CCDC201: variants seen among roughly 807,000 people sequenced by gnomAD.
CCDC201 encodes the protein coiled-coil domain containing 201, also known as coiled-coil domain-containing protein 201.
intron 1 of CCDC201, among the ~76,000 whole-genome samples, chr7:45,869,134 T>C (rs1377967966): frequency 6.6e-6 from 1 of 152,188 alleles, no homozygotes; most frequent in Non-Finnish European, 1.5e-5. Flanking sequence ...AATGAGATAG[T>C]ATAGAAAGAG....
chr7:45,882,327 TGAC>T, the CCDC201 span, among the ~76,000 whole-genome samples: 1 of 152,202 alleles, frequency 6.6e-6, no homozygotes, highest in Non-Finnish European at 1.5e-5. Flanking sequence ...CTGCTCAGGA[TGAC>T]AATAGCTCCT....
the CCDC201 span, among the ~76,000 whole-genome samples, chr7:45,879,067 G>A: frequency 1.4e-4 from 22 of 152,292 alleles, no homozygotes; most frequent in African/African-American, 5.3e-4. Context: ...CAGATCCCTC[G>A]AGCAGGGGCA....
At chr7:45,882,981 A>G in the CCDC201 span, among the ~76,000 whole-genome samples, 1 of 152,184 alleles carries the variant, frequency 6.6e-6, no homozygotes, top group African/African-American at 2.4e-5. Context: ...CAGGAAGGGT[A>G]AAGGCTTTGA....
At chr7:45,864,977 C>G (rs1037426274) in intron 2 of CCDC201, among the ~76,000 whole-genome samples, 3 of 151,908 alleles carry the variant, frequency 2.0e-5, no homozygotes, top group African/African-American at 7.3e-5. Context: ...CAAGACTACT[C>G]ACCCCAAAAT....
At chr7:45,884,356 T>C in the CCDC201 span, among the ~76,000 whole-genome samples, 89 of 152,302 alleles carry the variant, frequency 5.8e-4, 1 homozygote, top group African/African-American at 2.1e-3. Context: ...CACGTCAGCC[T>C]CTCAGTGTTG....
chr7:45,877,287 A>G (rs1786822330), upstream of CCDC201, among the ~76,000 whole-genome samples: 1 of 152,094 alleles, frequency 6.6e-6, no homozygotes, highest in African/African-American at 2.4e-5. Flanking sequence ...TGGAAACTCC[A>G]CCACAACAGA....
At chr7:45,872,346 G>A (rs1786751220) in intron 1 of CCDC201, among the ~76,000 whole-genome samples, 2 of 152,232 alleles carry the variant, frequency 1.3e-5, no homozygotes, top group African/African-American at 4.8e-5. Flanking sequence ...GCAACGCAGG[G>A]TGCTAAGGAC....
At chr7:45,873,373 C>T (rs1349227547), upstream of CCDC201, among the ~76,000 whole-genome samples, 1 of 102,214 alleles carries the variant, frequency 9.8e-6, no homozygotes, top group Non-Finnish European at 2.0e-5. Context: ...ACTCAATCCA[C>T]AAGGCAACTG....
the CCDC201 span, among the ~76,000 whole-genome samples, chr7:45,881,991 C>T: frequency 2.0e-5 from 3 of 152,254 alleles, no homozygotes; most frequent in South Asian, 2.1e-4. Flanking sequence ...GGCAGCACGT[C>T]GGGCCTTTGC....
intron 1 of CCDC201, among the ~76,000 whole-genome samples, chr7:45,867,207 T>C (rs936330256): frequency 6.6e-6 from 1 of 152,234 alleles, no homozygotes; most frequent in African/African-American, 2.4e-5. Context: ...GATTGAGTTG[T>C]CCAATTGCTT....
chr7:45,860,843 C>T (rs192160592), exon 3 of CCDC201: 1 of 152,222 alleles, frequency 6.6e-6, no homozygotes, highest in African/African-American at 2.4e-5. Context: ...GTGATGTGCA[C>T]CATTTGTGAA....
At chr7:45,875,448 A>C (rs1786790457), upstream of CCDC201, among the ~76,000 whole-genome samples, 1 of 151,918 alleles carries the variant, frequency 6.6e-6, no homozygotes, top group Admixed American at 6.5e-5. Context: ...TCAAAAAAAA[A>C]AAAAAAAAAA....
the CCDC201 span, among the ~76,000 whole-genome samples, chr7:45,878,688 C>T: frequency 6.6e-6 from 1 of 152,272 alleles, no homozygotes; most frequent in Admixed American, 6.5e-5. Flanking sequence ...CCATTTGCCC[C>T]TCCTGGGCCT....
intron 2 of CCDC201, among the ~76,000 whole-genome samples, chr7:45,865,249 C>T (rs1464379693): frequency 1.3e-5 from 2 of 152,234 alleles, no homozygotes; most frequent in Non-Finnish European, 2.9e-5. Flanking sequence ...CCCTTGCAAT[C>T]CTCTTCTCAT....
chr7:45,883,416 G>T, the CCDC201 span, among the ~76,000 whole-genome samples: 1 of 152,194 alleles, frequency 6.6e-6, no homozygotes, highest in Non-Finnish European at 1.5e-5. Flanking sequence ...GCAGAGGTGA[G>T]GACATTTATG....
chr7:45,860,964 C>T (rs1020556554), exon 3 of CCDC201: 2 of 151,854 alleles, frequency 1.3e-5, no homozygotes, highest in African/African-American at 4.9e-5. Context: ...GTAGAAGATG[C>T]AATATGAATA....
the CCDC201 span, among the ~76,000 whole-genome samples, chr7:45,882,790 C>T: frequency 6.6e-6 from 1 of 152,154 alleles, no homozygotes; most frequent in Non-Finnish European, 1.5e-5. Context: ...TCTCCTGGTC[C>T]CCGGTTTAAT....
chr7:45,863,728 G>A (rs748116854), intron 2 of CCDC201, among the ~76,000 whole-genome samples: 1 of 152,174 alleles, frequency 6.6e-6, no homozygotes, highest in Non-Finnish European at 1.5e-5. Flanking sequence ...GTCAGATCAC[G>A]TGGAGTGTAG....
chr7:45,881,617 C>A, the CCDC201 span, among the ~76,000 whole-genome samples: 1 of 152,168 alleles, frequency 6.6e-6, no homozygotes, highest in Non-Finnish European at 1.5e-5. Context: ...GGGTCTGTCA[C>A]CTGAGCAGCC....
Sources: allele counts gnomAD v4.1 joint callset (sites outside exome capture counted in the v4.1 genomes callset), GRCh38; gene constraint gnomAD v4.1.1; transcripts MANE v1.5; gene names NCBI Gene and HGNC (gene_info 2026-07-23, HGNC 2026-07-21).